The following TTR variants were observed in gnomAD, a reference collection of about 807,000 sequenced individuals.
TTR encodes epididymis luminal protein 111.
Under a neutral mutation model 13.7 loss-of-function variants are expected in TTR, and 8 were observed. That is an observed-to-expected ratio of 0.58 (90% CI 0.34 to 1.05). The LOEUF is 1.05. TTR is among the 50% of genes least tolerant of loss of function. The pLI is 0.02. For missense variants in TTR, 135 were observed against 185.5 expected (o/e 0.73, Z 1.58); for synonymous variants, 75 against 71.7 (o/e 1.05, Z -0.23).
chr18:31,598,286 C>T (rs1035464153), intron 3 of TTR, among the ~76,000 whole-genome samples: 31 of 152,100 alleles, frequency 2.0e-4, no homozygotes, highest in African/African-American at 7.5e-4. Context: ...AGCCTTTAGG[C>T]TTTCTGGGAT....
In TTR at chr18:31,593,013, C is replaced by G. The variant is rs1803083; in HGVS notation, c.187C>G (p.Pro63Ala). Residue 63 changes from proline to alanine, a missense_variant, in exon 2 of 4, where the codon CCA becomes GCA. Physicochemically the swap from Pro to Ala is conservative, Grantham distance 27 (BLOSUM62 -1). Transcript: ENST00000237014. ...FRKAADDTWE[P>A]FASGKTSESG... ...AAAGGCTGCTGATGACACCTGGGAG[C>G]CATTTGCCTCTGGGTAAGTTGCCAA... 6.2e-7 allele frequency: 1 copy of G among 1,613,940 alleles called. No homozygotes were observed.
intron 3 of TTR, among the ~76,000 whole-genome samples, chr18:31,596,830 G>A (rs557998902): frequency 2.0e-5 from 3 of 152,262 alleles, no homozygotes; most frequent in East Asian, 1.9e-4. Context: ...AGATAAATAC[G>A]GAGAACAAGA....
chr18:31,594,433 A>G (rs1449270267), intron 2 of TTR, among the ~76,000 whole-genome samples: 1 of 152,230 alleles, frequency 6.6e-6, no homozygotes, highest in Non-Finnish European at 1.5e-5. Flanking sequence ...GGTGGTGTGC[A>G]GATGCCTCAA....
rs1458944240 is a variant in TTR at position 31,595,343 on chromosome 18, C to T, written c.336+88C>T. Reference sequence around the variant, plus strand: ...ATGCACAGTTTTACTCAGTGTACCACAGAAATGTCCTAAGGAAGGTGATGA... The same window carrying T: ...ATGCACAGTTTTACTCAGTGTACCATAGAAATGTCCTAAGGAAGGTGATGA... On this transcript the variant is annotated intron_variant, in intron 3 of 3. Coordinates refer to ENST00000237014, the MANE Select transcript of TTR (RefSeq NM_000371.4). 6 of 1,558,522 alleles carry T rather than the reference C, an allele frequency of 3.8e-6. No homozygotes were observed. The South Asian group carries it at 5.7e-5, about 15-fold the overall frequency.
In TTR at chr18:31,595,155, CA is replaced by C; in HGVS notation, c.238del (p.Thr80LeufsTer6). On this transcript the variant is annotated frameshift_variant, in exon 3 of 4. Coordinates refer to ENST00000237014, the MANE Select transcript of TTR (RefSeq NM_000371.4). LOFTEE classifies it high-confidence loss of function. ...GAGTCTGGAGAGCTGCATGGGCTCA[CA>C]ACTGAGGAGGAATTTGTAGAAGGGA... is the stretch of plus-strand genomic sequence containing the variant. ...TSESGELHGL[T>X]TEEEFVEGIY... 6.2e-7 allele frequency: 1 copy of C among 1,614,136 alleles called. No homozygotes were observed. Among genetic ancestry groups the C allele is most frequent in the Non-Finnish European group, 8.5e-7 (1 of 1,180,030 alleles).
chr18:31,598,709 G>A lies in TTR; in HGVS notation c.*34G>A, dbSNP rs1285913601. Reference sequence around the variant, plus strand: ...TCCTCCAGTGGACCTGAAGGACGAGGGATGGGATTTCATGTAACCAAGAGT... The same window carrying A: ...TCCTCCAGTGGACCTGAAGGACGAGAGATGGGATTTCATGTAACCAAGAGT... On this transcript the variant is annotated 3_prime_UTR_variant, in exon 4 of 4. Transcript: ENST00000237014. 5.0e-6 allele frequency: 8 copies of A among 1,603,902 alleles called. No individual in the cohort carries two copies. Among genetic ancestry groups the A allele is most frequent in the African/African-American group, 1.3e-5 (1 of 74,738 alleles).
intron 3 of TTR, chr18:31,595,587 T>A: frequency 2.5e-6 from 1 of 405,690 alleles, no homozygotes; most frequent in African/African-American, 2.1e-5. Flanking sequence ...GTAGAGTGTA[T>A]GTAACAAGAG....
At chr18:31,595,304 T>C (rs1380439260) in intron 3 of TTR, 49 bp downstream of exon 3, 1 of 1,613,244 alleles carries the variant, frequency 6.2e-7, no homozygotes, top group Admixed American at 1.7e-5. Flanking sequence ...TTTTTGCTTT[T>C]GGCATTCCAG....
chr18:31,593,857 T>C (rs1188045707), intron 2 of TTR, among the ~76,000 whole-genome samples: 1 of 152,154 alleles, frequency 6.6e-6, no homozygotes, highest in Non-Finnish European at 1.5e-5. Flanking sequence ...CAGGAGACCC[T>C]TTGCATCCAG....
At chr18:31,596,354 AG>A (rs1391987310) in intron 3 of TTR, among the ~76,000 whole-genome samples, 2 of 152,154 alleles carry the variant, frequency 1.3e-5, no homozygotes, top group Admixed American at 1.3e-4. Context: ...GGGGCCCACA[AG>A]TCAACAAGAG....
intron 3 of TTR, chr18:31,596,045 A>G (rs1011326116): frequency 6.3e-6 from 1 of 157,876 alleles, no homozygotes. Flanking sequence ...AAGAAAAGCC[A>G]CATTTGTAAC....
rs2073510137 is a variant in TTR, at chr18:31,595,123, A to G, written c.204A>G (p.Lys68=). 1 of 1,614,138 alleles carries G rather than the reference A, an allele frequency of 6.2e-7. No homozygotes were observed. The highest frequency in any genetic ancestry group is 1.1e-5 in the South Asian group (1 of 91,068). Reference sequence around the variant, plus strand: ...TCCAGACTTTCACACCTTATAGGAAAACCAGTGAGTCTGGAGAGCTGCATG... The same window carrying G: ...TCCAGACTTTCACACCTTATAGGAAGACCAGTGAGTCTGGAGAGCTGCATG... ...DDTWEPFASG[K]TSESGELHGL... is the part of the protein sequence containing the mutation. Residue 68 remains lysine (K), a synonymous_variant, in exon 3 of 4, where the codon AAA becomes AAG. Coordinates refer to ENST00000237014, the MANE Select transcript of TTR (RefSeq NM_000371.4).
chr18:31,598,180 T>G (rs1409612177), intron 3 of TTR: 1 of 348,160 alleles, frequency 2.9e-6, no homozygotes, highest in African/African-American at 2.1e-5. Flanking sequence ...TCTCTAAGTC[T>G]GTGGTTGGCA....
At chr18:31,595,013 A>C in intron 2 of TTR, 107 bp from the exon 3 acceptor site, 1 of 1,250,908 alleles carries the variant, frequency 8.0e-7, no homozygotes, top group South Asian at 1.3e-5. Context: ...AATGTTCATA[A>C]CATGTTTATA....
chr18:31,592,769 C>A, intron 1 of TTR, 127 bp from the exon 2 acceptor site: 1 of 1,282,846 alleles, frequency 7.8e-7, no homozygotes, highest in Non-Finnish European at 1.1e-6. Flanking sequence ...ATTGTCGACA[C>A]TTACGTTCCT....
chr18:31,596,223 A>G (rs1044435822), intron 3 of TTR: 3 of 154,420 alleles, frequency 1.9e-5, no homozygotes, highest in Non-Finnish European at 4.4e-5. Context: ...CATCAAAAAT[A>G]GCTCGGCATG....
chr18:31,591,997 C>T, intron 1 of TTR, 26 bp downstream of exon 1: 1 of 1,612,750 alleles, frequency 6.2e-7, no homozygotes, highest in Non-Finnish European at 8.5e-7. Flanking sequence ...ACATCCCATT[C>T]CTACATTTAA....
At chr18:31,595,281 G>C (rs368289507) in intron 3 of TTR, 26 bp downstream of exon 3, 33 of 1,613,876 alleles carry the variant, frequency 2.0e-5, no homozygotes, top group Non-Finnish European at 2.8e-5. Context: ...TTCGAGGGTT[G>C]TTTTGGTTTT....
intron 2 of TTR, chr18:31,593,572 C>T (rs1050051709): frequency 1.3e-5 from 2 of 158,444 alleles, no homozygotes; most frequent in East Asian, 3.6e-4. Flanking sequence ...AAACCCAAGG[C>T]TTTTGCCTAA....
Sources: allele counts gnomAD v4.1 joint callset (sites outside exome capture counted in the v4.1 genomes callset), GRCh38; gene constraint gnomAD v4.1.1; transcripts MANE v1.5; gene names NCBI Gene and HGNC (gene_info 2026-07-23, HGNC 2026-07-21).